CLEC5A: variants seen among roughly 807,000 people sequenced by gnomAD.
CLEC5A encodes C-type lectin domain containing 5A.
Under a neutral mutation model 24.4 loss-of-function variants are expected in CLEC5A, and 15 were observed. The ratio of observed to expected loss-of-function variants is 0.62; its 90% CI spans 0.41 to 0.95. The LOEUF is 0.95. CLEC5A is among the 40% of genes least tolerant of loss of function. CLEC5A has a pLI of 0.00. For missense variants in CLEC5A, 211 were observed against 224.0 expected (o/e 0.94, Z 0.37); for synonymous variants, 71 against 72.6 (o/e 0.98, Z 0.11).
At chr7:141,933,915 C>A (rs139810419) in intron 5 of CLEC5A, among the ~76,000 whole-genome samples, 1 of 151,876 alleles carries the variant, frequency 6.6e-6, no homozygotes, top group Admixed American at 6.6e-5. Flanking sequence ...TGAATGGGAG[C>A]GGCTGGAGCA....
intron 4 of CLEC5A, among the ~76,000 whole-genome samples, chr7:141,936,708 A>C (rs1435687404): frequency 2.0e-5 from 3 of 152,164 alleles, no homozygotes; most frequent in Non-Finnish European, 2.9e-5. Context: ...ACCTACTGAG[A>C]TACCAGCCAG....
At chr7:141,938,057 T>C (rs1802682381) in intron 4 of CLEC5A, among the ~76,000 whole-genome samples, 1 of 152,070 alleles carries the variant, frequency 6.6e-6, no homozygotes, top group Non-Finnish European at 1.5e-5. Context: ...GAAGGATGGG[T>C]ATAAACCCAG....
chr7:141,939,374 G>A (rs1255831552), intron 4 of CLEC5A, among the ~76,000 whole-genome samples: 1 of 151,986 alleles, frequency 6.6e-6, no homozygotes, highest in Non-Finnish European at 1.5e-5. Flanking sequence ...ACAATAATGG[G>A]CTATAAGATA....
At chr7:141,934,279 C>T (rs1228220851) in intron 5 of CLEC5A, among the ~76,000 whole-genome samples, 2 of 152,114 alleles carry the variant, frequency 1.3e-5, no homozygotes, top group African/African-American at 4.8e-5. Context: ...CTGAAGAAAT[C>T]CAGGTGAGAA....
intron 2 of CLEC5A, 36 bp downstream of exon 2, chr7:141,946,178 A>G: frequency 6.5e-7 from 1 of 1,547,774 alleles, no homozygotes; most frequent in Non-Finnish European, 8.8e-7. Context: ...GCAAGACAAC[A>G]TGAAGTCTGG....
rs1171372056 is a variant in CLEC5A at position 141,928,970 on chromosome 7, A to C, written c.*1134T>G. On this transcript the variant is annotated 3_prime_UTR_variant, in exon 7 of 7. Transcript: ENST00000546910. ...GTGTGGAGAACAGCCAGGGTACTCC[A>C]AGACTTGTCTTCCTCTTTCTTGCCT... 1 of 152,236 alleles carries C rather than the reference A, an allele frequency of 6.6e-6. No individual in the cohort carries two copies. The highest frequency in any genetic ancestry group is 2.4e-5 in the African/African-American group (1 of 41,452). The allele number at this position is 152,236 out of a possible 1,614,324, so 9.4% of individuals were successfully genotyped here.
Position 141,930,182 on chromosome 7 carries a change from G to T in CLEC5A, c.489C>A (p.Thr163=), listed in dbSNP as rs118162062. 0.018 allele frequency: 28,760 copies of T among 1,613,890 alleles called. 344 individuals are homozygous for T. The highest frequency in any genetic ancestry group is 0.02 in the Non-Finnish European group (23,796 of 1,179,808). The change falls in exon 7 of 7, where the codon ACC becomes ACA. Residue 163 remains threonine, a synonymous_variant. Transcript: ENST00000546910. ...TNQNQNFNCA[T]IGLTKTFDAA... The stretch of plus-strand genomic sequence containing the variant: ...CATCAAATGTCTTTGTTAGGCCAAT[G>T]GTCGCACAGTTGAAATTCTGATTCT...
intron 4 of CLEC5A, among the ~76,000 whole-genome samples, chr7:141,936,749 C>G (rs1420425897): frequency 6.6e-6 from 1 of 152,098 alleles, no homozygotes; most frequent in African/African-American, 2.4e-5. Context: ...TGCCATTGCT[C>G]TCCCAACCCC....
intron 4 of CLEC5A, among the ~76,000 whole-genome samples, chr7:141,940,274 CAA>C (rs1191781001): frequency 2.0e-5 from 3 of 151,842 alleles, no homozygotes; most frequent in Non-Finnish European, 4.4e-5. Context: ...AAGTCAGTAA[CAA>C]GAGGAAGTTT....
At chr7:141,939,526 G>T (rs1378281327) in intron 4 of CLEC5A, among the ~76,000 whole-genome samples, 1 of 151,734 alleles carries the variant, frequency 6.6e-6, no homozygotes, top group Non-Finnish European at 1.5e-5. Context: ...AGAAGGAAGA[G>T]AAGATCAAAA....
chr7:141,935,882 TC>T lies in CLEC5A; in HGVS notation c.276del (p.Trp92Ter), dbSNP rs782391568. On this transcript the variant is annotated frameshift_variant, in exon 5 of 7. Coordinates refer to ENST00000546910, the MANE Select transcript of CLEC5A (RefSeq NM_013252.3). LOFTEE classifies it high-confidence loss of function. ...CFFLSTSESS[W>X]NESRDFCKGK... ...CCTTTGCAAAAGTCCCTGCTTTCAT[TC>T]CAAGATGATTCAGAAGTGGATAAGA... is the stretch of plus-strand genomic sequence containing the variant. 1.9e-6 allele frequency: 3 copies of T among 1,613,500 alleles called. No individual in the cohort carries two copies. Among genetic ancestry groups the T allele is most frequent in the Non-Finnish European group, 2.5e-6 (3 of 1,179,504 alleles).
intron 6 of CLEC5A, among the ~76,000 whole-genome samples, chr7:141,931,011 T>G (rs1802441287): frequency 6.6e-6 from 1 of 152,172 alleles, no homozygotes; most frequent in Admixed American, 6.5e-5. Flanking sequence ...TCACTATTTT[T>G]GTATAAACAC....
chr7:141,945,972 C>A (rs17712512), intron 2 of CLEC5A: 5 of 485,484 alleles, frequency 1.0e-5, no homozygotes, highest in Middle Eastern at 4.4e-4. Flanking sequence ...AAAAGCTTTG[C>A]GTGGCGTTCT....
At chr7:141,940,515 T>C (rs1802759220) in intron 4 of CLEC5A, among the ~76,000 whole-genome samples, 3 of 150,908 alleles carry the variant, frequency 2.0e-5, no homozygotes, top group South Asian at 4.2e-4. Context: ...ATGACAAATC[T>C]TAAAGAACTA....
chr7:141,942,410 A>G (rs1433094372), intron 4 of CLEC5A, among the ~76,000 whole-genome samples: 5 of 152,158 alleles, frequency 3.3e-5, no homozygotes, highest in African/African-American at 1.2e-4. Context: ...ATCTCTTGAC[A>G]TATACAAAAA....
At chr7:141,931,292 A>G (rs17634147) in intron 6 of CLEC5A, among the ~76,000 whole-genome samples, 3,516 of 152,302 alleles carry the variant, frequency 0.023, 63 homozygotes, top group Middle Eastern at 0.054. Flanking sequence ...GGTTGCCTCC[A>G]TAAAACTGAC....
chr7:141,938,826 A>C (rs1425253543), intron 4 of CLEC5A, among the ~76,000 whole-genome samples: 1 of 152,198 alleles, frequency 6.6e-6, no homozygotes, highest in Non-Finnish European at 1.5e-5. Flanking sequence ...ATGTTCCCCA[A>C]GTGGAAATCT....
chr7:141,931,635 C>A, intron 6 of CLEC5A, 85 bp downstream of exon 6: 1 of 780,588 alleles, frequency 1.3e-6, no homozygotes, highest in Admixed American at 1.8e-5. Flanking sequence ...AGCGTTTGAG[C>A]TATTCCAGGG....
intron 1 of CLEC5A, 146 bp downstream of exon 1, chr7:141,946,661 G>A (rs1802966962): frequency 4.9e-6 from 1 of 204,390 alleles, no homozygotes; most frequent in Non-Finnish European, 9.9e-6. Context: ...AAGGACCTTA[G>A]TCTGTAGCCT....
Sources: gnomAD v4.1 joint callset for allele counts (sites outside exome capture counted in the v4.1 genomes callset) on GRCh38, gnomAD v4.1.1 for gene constraint, MANE v1.5 for transcripts, NCBI Gene and HGNC (gene_info 2026-07-23, HGNC 2026-07-21) for gene names.